The following FLT3 variants were observed in gnomAD, a reference collection of about 807,000 sequenced individuals.
FLT3 encodes the protein fms related receptor tyrosine kinase 3, also known as receptor-type tyrosine-protein kinase FLT3.
FLT3 carries 46 observed loss-of-function variants against 126.6 expected under a neutral mutation model. The observed-to-expected ratio is 0.36, with a 90% CI of 0.29 to 0.46. The LOEUF is 0.46. Ranked by LOEUF, FLT3 falls within the 20% of genes least tolerant of loss-of-function variation. The pLI is 1.00. For synonymous variants in FLT3, 404 were observed against 434.4 expected, an observed-to-expected ratio of 0.93 and a Z score of 0.87; for missense variants, 1,069 against 1,190.3, an observed-to-expected ratio of 0.90 and a Z score of 1.50.
chr13:28,056,413 A>G (rs1876004255), intron 4 of FLT3, among the ~76,000 whole-genome samples: 1 of 151,934 alleles, frequency 6.6e-6, no homozygotes, highest in Non-Finnish European at 1.5e-5. Context: ...TGTCGGGGGG[A>G]CCTAATTTCA....
At chr13:28,035,306 G>T (rs1367987799) in intron 12 of FLT3, among the ~76,000 whole-genome samples, 189 bp downstream of exon 12, 1 of 152,172 alleles carries the variant, frequency 6.6e-6, no homozygotes, top group Non-Finnish European at 1.5e-5. Flanking sequence ...AGTCACAAGG[G>T]CACAGGGAGG....
At chr13:28,041,344 C>T (rs1310756620) in intron 9 of FLT3, among the ~76,000 whole-genome samples, 1 of 152,072 alleles carries the variant, frequency 6.6e-6, no homozygotes, top group African/African-American at 2.4e-5. Context: ...GTGTGGCTCA[C>T]CAGAGAGCAT....
At position 28,004,141 on chromosome 13, in the gene FLT3, A is replaced by G. The variant is rs766953291; in HGVS notation, c.2893T>C (p.Cys965Arg). 3 of 1,614,108 alleles carry G rather than the reference A, an allele frequency of 1.9e-6. No individual in the cohort carries two copies. The highest frequency in any genetic ancestry group is 1.7e-4 in the Middle Eastern group (1 of 6,038). ...CGCCTGTTTTGGTAGGTGTGAGGAC[A>G]TTCCGAAACACGGCCATCCACATTC... ...YQNVDGRVSE[C>R]PHTYQNRRPF... The change falls in exon 24 of 24, where the codon TGT becomes CGT. Residue 965 changes from cysteine to arginine, a missense_variant. Coordinates refer to ENST00000241453, the MANE Select transcript of FLT3 (RefSeq NM_004119.3).
intron 19 of FLT3, 85 bp from the exon 20 acceptor site, chr13:28,018,674 G>A (rs2137625255): frequency 6.9e-7 from 1 of 1,446,096 alleles, no homozygotes; most frequent in South Asian, 1.2e-5. Flanking sequence ...AACTTCAGTA[G>A]GAGGTACCGG....
chr13:28,025,019 T>C (rs947978045), intron 17 of FLT3, 76 bp from the exon 18 acceptor site: 40 of 818,586 alleles, frequency 4.9e-5, no homozygotes, highest in Middle Eastern at 5.9e-4. Context: ...ATGTAATTCA[T>C]CAAATAAATG....
intron 9 of FLT3, among the ~76,000 whole-genome samples, chr13:28,043,515 G>C (rs1874572754): frequency 6.6e-6 from 1 of 152,116 alleles, no homozygotes; most frequent in Non-Finnish European, 1.5e-5. Flanking sequence ...TTCAGTAACA[G>C]ATTTTTAAAA....
rs1871778795 is a variant in FLT3 at position 28,015,595 on chromosome 13, G to A, written c.2648C>T (p.Ser883Leu). ...SYGILLWEIF[S>L]LGVNPYPGIP... Reference sequence around the variant, plus strand: ...CCAGCAGCTGCCCAACTTACCAAGTGAGAAGATTTCCCACAGTAATATTCC... The same window carrying A: ...CCAGCAGCTGCCCAACTTACCAAGTAAGAAGATTTCCCACAGTAATATTCC... The change falls in exon 21 of 24, where the codon TCA (serine) becomes TTA (leucine). Residue 883 changes from serine (S) to leucine (L), a missense_variant. Transcript: ENST00000241453. The A allele has an allele frequency of 6.2e-7, 1 of 1,600,260 alleles. No individual in the cohort carries two copies.
intron 17 of FLT3, among the ~76,000 whole-genome samples, chr13:28,025,760 G>A (rs943892403): frequency 4.6e-5 from 7 of 152,068 alleles, no homozygotes; most frequent in Admixed American, 2.0e-4. Flanking sequence ...ATTTCTAGAC[G>A]ATGAGCTGGG....
intron 17 of FLT3, chr13:28,025,193 C>G (rs1189069039): frequency 2.0e-6 from 1 of 511,268 alleles, no homozygotes; most frequent in Non-Finnish European, 3.5e-6. Context: ...CTCACTCAAT[C>G]CTTGCCACAA....
At chr13:28,085,504 T>C (rs2040058993) in intron 1 of FLT3, among the ~76,000 whole-genome samples, 1 of 152,196 alleles carries the variant, frequency 6.6e-6, no homozygotes, top group African/African-American at 2.4e-5. Context: ...CCTTGTTCTA[T>C]CAATTATTGA....
At chr13:28,030,403 TC>T (rs1873214725) in intron 15 of FLT3, among the ~76,000 whole-genome samples, 1 of 152,216 alleles carries the variant, frequency 6.6e-6, no homozygotes, top group Non-Finnish European at 1.5e-5. Flanking sequence ...CCTCTTTCAT[TC>T]AGTCATTCAA....
At chr13:28,090,700 C>T (rs7328298) in intron 1 of FLT3, among the ~76,000 whole-genome samples, 5,114 of 152,146 alleles carry the variant, frequency 0.034, 129 homozygotes, top group East Asian at 0.091. Context: ...ATCACTGAAG[C>T]CCGCAAAGTG....
intron 1 of FLT3, among the ~76,000 whole-genome samples, chr13:28,074,014 T>G (rs9507991): frequency 0.74 from 111,907 of 151,352 alleles, 42,293 homozygotes; most frequent in East Asian, 0.95. Context: ...CCTATCACTC[T>G]CAAAAGTTTC....
chr13:28,005,805 T>A (rs1870833484), intron 23 of FLT3, among the ~76,000 whole-genome samples: 1 of 152,226 alleles, frequency 6.6e-6, no homozygotes, highest in Admixed American at 6.5e-5. Flanking sequence ...AATGGGTATG[T>A]CAGCCTCCCA....
In FLT3 at chr13:28,034,206, C is replaced by T. The variant is rs2137676197; in HGVS notation, c.1713G>A (p.Arg571=). The change falls in exon 14 of 24, where the codon AGG becomes AGA. Residue 571 remains arginine, a synonymous_variant. Coordinates refer to ENST00000241453, the MANE Select transcript of FLT3 (RefSeq NM_004119.3). ...GTACCATCTGTAGCTGGCTTTCATA[C>T]CTAAATTGCTTCAGAGATGAAATGA... ...LICHKYKKQF[R]YESQLQMVQV... 6.2e-7 allele frequency: 1 copy of T among 1,613,968 alleles called. No individual in the cohort carries two copies. The highest frequency in any genetic ancestry group is 1.1e-5 in the South Asian group (1 of 91,054).
chr13:28,042,500 A>G (rs1874480494), intron 9 of FLT3, among the ~76,000 whole-genome samples: 1 of 27,498 alleles, frequency 3.6e-5, no homozygotes, highest in Admixed American at 4.3e-4. Flanking sequence ...TTTTAAGGCA[A>G]TTTCAGAAAA....
rs531618711 is a variant in FLT3, at chr13:28,023,873, CA to C, written c.2291-397del. Among the ~76,000 whole-genome samples, 229 of 152,002 alleles carry C rather than the reference CA, an allele frequency of 1.5e-3. 1 individual carries two copies. The highest frequency in any genetic ancestry group is 2.5e-3 in the Non-Finnish European group (171 of 67,974). ...GCAGTGACACGATCTTGGCCTGCTG[CA>C]ACTGGATTCTCCTGCCTCAGCTTCC... On this transcript the variant is annotated intron_variant, in intron 18 of 23. Coordinates refer to ENST00000241453, the MANE Select transcript of FLT3 (RefSeq NM_004119.3).
At chr13:28,034,019 A>C (rs1873599810) in intron 14 of FLT3, 28 bp from the exon 15 acceptor site, 1 of 1,613,338 alleles carries the variant, frequency 6.2e-7, no homozygotes, top group Non-Finnish European at 8.5e-7. Context: ...GAGTACGTGC[A>C]TTTTAAAGAT....
intron 9 of FLT3, 36 bp from the exon 10 acceptor site, chr13:28,037,324 A>G: frequency 1.6e-6 from 2 of 1,266,544 alleles, no homozygotes; most frequent in Non-Finnish European, 2.3e-6. Context: ...ATTTAGCCCA[A>G]TTGCTACAGG....
Sources: allele counts gnomAD v4.1 joint callset (sites outside exome capture counted in the v4.1 genomes callset), GRCh38; gene constraint gnomAD v4.1.1; transcripts MANE v1.5; gene names NCBI Gene and HGNC (gene_info 2026-07-23, HGNC 2026-07-21).